Variants in ARHGEF38 observed in about 807,000 individuals in gnomAD.
ARHGEF38 encodes Rho guanine nucleotide exchange factor (GEF) 38.
Under a neutral mutation model 79.9 loss-of-function variants are expected in ARHGEF38, and 79 were observed. The observed-to-expected ratio is 0.99, with a 90% confidence interval of 0.82 to 1.19. The LOEUF (loss-of-function observed/expected upper bound fraction) is 1.19, where lower values mean the gene tolerates loss of function less well. Ranked by LOEUF, ARHGEF38 falls within the 50% of genes most tolerant of loss-of-function variation. ARHGEF38 has a pLI of 0.00. For missense variants in ARHGEF38, 962 were observed against 907.2 expected (o/e 1.06, Z -0.78); for synonymous variants, 366 against 328.3 (o/e 1.11, Z -1.24).
intron 13 of ARHGEF38, among the ~76,000 whole-genome samples, chr4:105,674,015 A>T (rs992967249): frequency 3.3e-5 from 5 of 152,170 alleles, no homozygotes; most frequent in Non-Finnish European, 7.4e-5. Context: ...ATATATTATG[A>T]CTTTTGTTGC....
At chr4:105,627,537 T>C (rs1728997804) in intron 3 of ARHGEF38, among the ~76,000 whole-genome samples, 2 of 152,122 alleles carry the variant, frequency 1.3e-5, no homozygotes, top group African/African-American at 4.8e-5. Context: ...CTTAAAAGGG[T>C]GCATTTTTTT....
intron 10 of ARHGEF38, 77 bp from the exon 11 acceptor site, chr4:105,666,100 T>A: frequency 7.5e-7 from 1 of 1,335,692 alleles, no homozygotes; most frequent in Non-Finnish European, 9.7e-7. Flanking sequence ...CAACTGTTCA[T>A]CACAACTCAA....
chr4:105,624,233 T>A (rs915711182), intron 3 of ARHGEF38, among the ~76,000 whole-genome samples: 6 of 152,056 alleles, frequency 3.9e-5, no homozygotes, highest in Admixed American at 2.0e-4. Flanking sequence ...TGAAAAAAAA[T>A]TTTTACCAGA....
chr4:105,578,747 G>A (rs750715638), intron 1 of ARHGEF38, among the ~76,000 whole-genome samples: 2 of 152,026 alleles, frequency 1.3e-5, no homozygotes, highest in African/African-American at 2.4e-5. Flanking sequence ...GTTTCCATTT[G>A]CATAGAATAT....
intron 4 of ARHGEF38, among the ~76,000 whole-genome samples, chr4:105,634,585 G>C (rs2110523011): frequency 6.6e-6 from 1 of 152,200 alleles, no homozygotes; most frequent in East Asian, 1.9e-4. Flanking sequence ...TGCAAATGTA[G>C]CTATAATTAG....
chr4:105,663,052 C>T (rs1283438351), intron 10 of ARHGEF38, among the ~76,000 whole-genome samples: 2 of 151,976 alleles, frequency 1.3e-5, no homozygotes, highest in African/African-American at 4.8e-5. Context: ...TTTTGTGATA[C>T]TTAGAGATTC....
intron 2 of ARHGEF38, among the ~76,000 whole-genome samples, chr4:105,609,084 G>A (rs1728177950): frequency 6.6e-6 from 1 of 152,064 alleles, no homozygotes; most frequent in Non-Finnish European, 1.5e-5. Flanking sequence ...TAATTGCACA[G>A]ACCAATGTCA....
rs1392097357 is a variant in ARHGEF38 at position 105,667,621 on chromosome 4, G to A, written c.2066G>A (p.Ser689Asn). The A allele has an allele frequency of 1.1e-5, 17 of 1,536,564 alleles. No individual in the cohort carries two copies. The East Asian group carries it at 3.9e-4, about 35-fold the overall frequency. The change falls in exon 13 of 14, where the codon AGC becomes AAC. Residue 689 changes from serine (S) to asparagine (N), a missense_variant. Coordinates refer to ENST00000420470, the MANE Select transcript of ARHGEF38 (RefSeq NM_001242729.2). The part of the protein sequence containing the change: ...TGTSESSIGD[S>N]SSSLSGTCGK... Reference sequence around the variant, plus strand: ...ACCTCAGAAAGCAGCATTGGTGATAGCAGCTCATCTCTTAGTGGCACATGT... The same window carrying A: ...ACCTCAGAAAGCAGCATTGGTGATAACAGCTCATCTCTTAGTGGCACATGT...
intron 9 of ARHGEF38, among the ~76,000 whole-genome samples, chr4:105,657,902 G>T (rs1730402646): frequency 6.6e-6 from 1 of 152,130 alleles, no homozygotes; most frequent in African/African-American, 2.4e-5. Context: ...CCCTAGGATA[G>T]CTTTCGGGTT....
At chr4:105,573,738 G>GT (rs538837798) in intron 1 of ARHGEF38, among the ~76,000 whole-genome samples, 7,335 of 144,560 alleles carry the variant, frequency 0.051, 607 homozygotes, top group African/African-American at 0.17. Context: ...TTTAGGATGG[G>GT]TTTTTTTTTT....
At chr4:105,572,963 T>C (rs530784093) in intron 1 of ARHGEF38, among the ~76,000 whole-genome samples, 53 of 152,326 alleles carry the variant, frequency 3.5e-4, no homozygotes, top group African/African-American at 1.2e-3. Context: ...ACTGTAGTTA[T>C]GATTTGCTTT....
intron 10 of ARHGEF38, 52 bp downstream of exon 10, chr4:105,659,417 A>G (rs2110564325): frequency 6.7e-7 from 1 of 1,482,782 alleles, no homozygotes; most frequent in Non-Finnish European, 9.0e-7. Flanking sequence ...TGGATCTGCT[A>G]GAAACCACAC....
intron 1 of ARHGEF38, among the ~76,000 whole-genome samples, chr4:105,558,468 A>G (rs150102291): frequency 6.6e-6 from 1 of 152,288 alleles, no homozygotes; most frequent in African/African-American, 2.4e-5. Flanking sequence ...AATGGGAAGT[A>G]TTTGAATCAG....
At chr4:105,640,108 A>T (rs1578337477) in intron 5 of ARHGEF38, among the ~76,000 whole-genome samples, 1 of 151,954 alleles carries the variant, frequency 6.6e-6, no homozygotes, top group African/African-American at 2.4e-5. Flanking sequence ...GAAGACAAGA[A>T]TTTATTTCTC....
intron 2 of ARHGEF38, among the ~76,000 whole-genome samples, chr4:105,606,634 A>G (rs936603077): frequency 1.3e-5 from 2 of 152,112 alleles, no homozygotes; most frequent in South Asian, 2.1e-4. Context: ...AGCGTGATCT[A>G]TCTAGATTTC....
chr4:105,628,100 A>G (rs1208586195), intron 3 of ARHGEF38, among the ~76,000 whole-genome samples: 1 of 152,170 alleles, frequency 6.6e-6, no homozygotes, highest in Admixed American at 6.5e-5. Flanking sequence ...CTCCTGTTAA[A>G]GAAAATGCAA....
chr4:105,575,034 A>T (rs1267330327), intron 1 of ARHGEF38, among the ~76,000 whole-genome samples: 1 of 151,546 alleles, frequency 6.6e-6, no homozygotes, highest in Non-Finnish European at 1.5e-5. Flanking sequence ...ACACACACAC[A>T]CACCATATTT....
intron 13 of ARHGEF38, among the ~76,000 whole-genome samples, chr4:105,670,223 G>A (rs1730913867): frequency 6.6e-6 from 1 of 152,074 alleles, no homozygotes; most frequent in African/African-American, 2.4e-5. Flanking sequence ...ATCCAAAGTG[G>A]GCGCACCATT....
chr4:105,656,971 AATGG>A (rs1178458218), intron 9 of ARHGEF38, among the ~76,000 whole-genome samples: 1 of 152,102 alleles, frequency 6.6e-6, no homozygotes, highest in African/African-American at 2.4e-5. Flanking sequence ...ACGACAGATG[AATGG>A]ATGGATGGAT....
Sources: allele counts gnomAD v4.1 joint callset (sites outside exome capture counted in the v4.1 genomes callset), GRCh38; gene constraint gnomAD v4.1.1; transcripts MANE v1.5; gene names NCBI Gene and HGNC (gene_info 2026-07-23, HGNC 2026-07-21).